Variants in MYO18B observed in about 807,000 individuals in gnomAD.
MYO18B encodes the protein unconventional myosin-XVIIIb.
Under a neutral mutation model 273.0 loss-of-function variants are expected in MYO18B, and 204 were observed. The ratio of observed to expected loss-of-function variants is 0.75; its 90% CI spans 0.67 to 0.84. The LOEUF (loss-of-function observed/expected upper bound fraction) is 0.84, where lower values mean the gene tolerates loss of function less well. Ranked by LOEUF, MYO18B falls within the 40% of genes least tolerant of loss-of-function variation. The pLI is 0.00. For synonymous variants in MYO18B, 1,330 were observed against 1,305.7 expected, an observed-to-expected ratio of 1.02 and a Z score of -0.40; for missense variants, 3,212 against 3,287.6, an observed-to-expected ratio of 0.98 and a Z score of 0.56.
At chr22:25,760,931 C>G in intron 1 of MYO18B, 53 bp from the exon 2 acceptor site, 1 of 773,768 alleles carries the variant, frequency 1.3e-6, no homozygotes, top group South Asian at 1.6e-5. Flanking sequence ...AGGGCTGTGC[C>G]CATGAGCTAA....
At chr22:25,880,661 A>T (rs2091308836) in intron 25 of MYO18B, among the ~76,000 whole-genome samples, 1 of 152,240 alleles carries the variant, frequency 6.6e-6, no homozygotes, top group African/African-American at 2.4e-5. Context: ...GGACACCTTG[A>T]TAGAGCTAGG....
chr22:25,921,408 A>T lies in MYO18B; in HGVS notation c.5516A>T (p.Gln1839Leu). 6.2e-7 allele frequency: 1 copy of T among 1,600,732 alleles called. No individual in the cohort carries two copies. Among genetic ancestry groups the T allele is most frequent in the Non-Finnish European group, 8.5e-7 (1 of 1,173,792 alleles). Residue 1839 changes from glutamine to leucine, a missense_variant and splice_region_variant, in exon 34 of 44, where the codon CAG becomes CTG. Transcript: ENST00000335473. ...GAGGAGCTGGAGAAAGTGCACAGCC[A>T]GGTGGGTGTCACGGGATCCCCTTGA... The part of the protein sequence containing the change: ...SKEELEKVHS[Q>L]LEQSEAKCEE...
rs528367698 is a variant in MYO18B at position 25,828,923 on chromosome 22, G to A, written c.2934G>A (p.Leu978=). The change falls in exon 15 of 44, where the codon CTG becomes CTA. Residue 978 remains leucine (L), a synonymous_variant. Coordinates refer to ENST00000335473, the MANE Select transcript of MYO18B (RefSeq NM_032608.7). ...ACGCCCATGAGCGCCTGCAGCTGCT[G>A]TTCTACCAGCGGACCTTTGTCTCCA... ...HNYAHERLQL[L]FYQRTFVSTL... is the part of the protein sequence containing the mutation. 6.2e-7 allele frequency: 1 copy of A among 1,614,030 alleles called. No individual in the cohort carries two copies. Among genetic ancestry groups the A allele is most frequent in the Admixed American group, 1.7e-5 (1 of 60,034 alleles).
At chr22:25,802,527 G>T (rs2088249586) in intron 12 of MYO18B, among the ~76,000 whole-genome samples, 2 of 152,020 alleles carry the variant, frequency 1.3e-5, no homozygotes, top group South Asian at 4.2e-4. Context: ...GAGGCGGGCA[G>T]ATCACAAGGT....
intron 39 of MYO18B, among the ~76,000 whole-genome samples, chr22:25,966,446 G>T (rs978741843): frequency 2.6e-5 from 4 of 152,140 alleles, no homozygotes; most frequent in African/African-American, 7.2e-5. Flanking sequence ...AATTATTCTG[G>T]CTGGGAACTG....
chr22:25,948,459 C>CTTCTTTCTTTCTTTCTTTCT (rs1158700194), intron 36 of MYO18B, among the ~76,000 whole-genome samples: 26 of 67,714 alleles, frequency 3.8e-4, no homozygotes, highest in African/African-American at 1.2e-3. Context: ...TCCTTCCTTC[C>CTTCTTTCTTTCTTTCTTTCT]TTCTTTCTTT....
chr22:25,878,079 G>C (rs368078987), intron 25 of MYO18B, 31 bp downstream of exon 25: 6 of 1,522,374 alleles, frequency 3.9e-6, no homozygotes, highest in East Asian at 4.8e-5. Context: ...GGGTCCTTGT[G>C]GGGGGTCTTT....
chr22:25,775,936 T>G (rs1160654658), intron 7 of MYO18B, among the ~76,000 whole-genome samples: 1 of 152,094 alleles, frequency 6.6e-6, no homozygotes, highest in Non-Finnish European at 1.5e-5. Flanking sequence ...CTTTTTAGTG[T>G]ACAGTTCTGA....
the MYO18B span, among the ~76,000 whole-genome samples, chr22:26,048,662 C>T: frequency 2.6e-5 from 4 of 152,054 alleles, no homozygotes; most frequent in African/African-American, 4.8e-5. Flanking sequence ...ATAATTGATG[C>T]TCAAGGAGTA....
At chr22:25,793,077 C>T (rs2087750733) in intron 11 of MYO18B, among the ~76,000 whole-genome samples, 1 of 152,146 alleles carries the variant, frequency 6.6e-6, no homozygotes, top group South Asian at 2.1e-4. Context: ...GTGGAACAGC[C>T]TGGGTGAAGG....
intron 9 of MYO18B, among the ~76,000 whole-genome samples, 199 bp from the exon 10 acceptor site, chr22:25,781,534 TG>T (rs2087151573): frequency 2.7e-5 from 4 of 147,828 alleles, no homozygotes; most frequent in Non-Finnish European, 5.9e-5. Flanking sequence ...AGCGTGAAGC[TG>T]GGAGGCGGAG....
intron 17 of MYO18B, among the ~76,000 whole-genome samples, chr22:25,836,964 A>AAATAAT (rs71191082): frequency 0.036 from 5,051 of 142,058 alleles, 99 homozygotes; most frequent in Middle Eastern, 0.054. Flanking sequence ...TTCCATCTCA[A>AAATAAT]AATAATAATA....
downstream of MYO18B, among the ~76,000 whole-genome samples, chr22:26,035,123 A>G (rs1342073574): frequency 6.6e-6 from 1 of 152,224 alleles, no homozygotes; most frequent in Non-Finnish European, 1.5e-5. Context: ...GGTTTGGCCT[A>G]AGTCCAGTTG....
intron 25 of MYO18B, 125 bp downstream of exon 25, chr22:25,878,173 T>C: frequency 4.2e-6 from 3 of 709,778 alleles, no homozygotes; most frequent in African/African-American, 1.8e-5. Flanking sequence ...CAGAATTACC[T>C]GTGAGGCACA....
rs578041943 is a variant in MYO18B at position 25,907,806 on chromosome 22, G to A, written c.5149-516G>A. Among the ~76,000 whole-genome samples, 3 of 152,236 alleles carry A rather than the reference G, an allele frequency of 2.0e-5. No individual in the cohort carries two copies. The South Asian group carries it at 6.2e-4, about 32-fold the overall frequency. ...TCCCAGCACTTTGGGAGGCTGAGGC[G>A]GGTGGATCACCTGAGGTCAGGAGTT... On this transcript the variant is annotated intron_variant, in intron 31 of 43. Transcript: ENST00000335473.
At chr22:26,062,474 A>C in the MYO18B span, among the ~76,000 whole-genome samples, 3 of 152,174 alleles carry the variant, frequency 2.0e-5, no homozygotes, top group African/African-American at 7.2e-5. Flanking sequence ...GCCATAACAG[A>C]ATTGACAGCT....
chr22:26,027,345 G>A lies in MYO18B; in HGVS notation c.7371G>A (p.Leu2457=). ...GGAAGCCCCAGACACCTACCTCCTT[G>A]GCTGGATCAGCCAAAGGTGGGCAAG... ...AIRKPQTPTS[L]AGSAKGGQDG... is the part of the protein sequence containing the mutation. Residue 2457 remains leucine (L), a synonymous_variant, in exon 43 of 44, where the codon TTG becomes TTA. Transcript: ENST00000335473. This position sits in a 1 kb window ranked among gnomAD's most constrained non-coding sequence, Gnocchi z 4.1. 6.2e-7 allele frequency: 1 copy of A among 1,613,950 alleles called. No individual in the cohort carries two copies.
chr22:25,991,798 A>G (rs75397903), intron 39 of MYO18B, among the ~76,000 whole-genome samples: 9,805 of 152,282 alleles, frequency 0.064, 689 homozygotes, highest in East Asian at 0.26. Flanking sequence ...GGCCACAGAA[A>G]GAGCTCCGTA....
intron 1 of MYO18B, among the ~76,000 whole-genome samples, chr22:25,748,491 T>A (rs1198714393): frequency 6.6e-6 from 1 of 152,178 alleles, no homozygotes; most frequent in Non-Finnish European, 1.5e-5. Flanking sequence ...TCCCTGTCAA[T>A]GGACATGACC....
Sources: gnomAD v4.1 joint callset for allele counts (sites outside exome capture counted in the v4.1 genomes callset) on GRCh38, gnomAD v4.1.1 for gene constraint, Gnocchi (gnomAD v3.1) non-coding constraint, MANE v1.5 for transcripts, NCBI Gene and HGNC (gene_info 2026-07-23, HGNC 2026-07-21) for gene names.